The following HDAC9 variants were observed in gnomAD, a reference collection of about 807,000 sequenced individuals.
The protein encoded by HDAC9 is MEF-2 interacting transcription repressor (MITR) protein.
HDAC9 carries 41 observed loss-of-function variants against 139.4 expected under a neutral mutation model. The ratio of observed to expected loss-of-function variants is 0.29; its 90% CI spans 0.23 to 0.38. The LOEUF is 0.38. Ranked by LOEUF, HDAC9 falls within the 10% of genes least tolerant of loss-of-function variation. The probability of loss-of-function intolerance (pLI) is 1.00; values close to 1 mark genes in which losing one functional copy is unlikely to be tolerated. For synonymous variants in HDAC9, 517 were observed against 476.2 expected, an observed-to-expected ratio of 1.09 and a Z score of -1.12; for missense variants, 1,147 against 1,297.0, an observed-to-expected ratio of 0.88 and a Z score of 1.78.
chr7:18,448,057 T>C (rs1351385826), intron 1 of HDAC9, among the ~76,000 whole-genome samples: 9 of 152,074 alleles, frequency 5.9e-5, no homozygotes, highest in Admixed American at 3.9e-4. Context: ...GCCAGGCTGG[T>C]CTCCAACTCC....
At chr7:18,742,623 CCT>C (rs540462870) in intron 13 of HDAC9, among the ~76,000 whole-genome samples, 78 of 152,048 alleles carry the variant, frequency 5.1e-4, no homozygotes, top group Non-Finnish European at 9.9e-4. Flanking sequence ...CAGATTTCCT[CCT>C]CAGGAGCAAT....
At chr7:18,970,809 G>T (rs1263243100) in intron 24 of HDAC9, among the ~76,000 whole-genome samples, 1 of 114,390 alleles carries the variant, frequency 8.7e-6, no homozygotes, top group Non-Finnish European at 1.8e-5. Context: ...TGGAAAAAAG[G>T]TAAAAAAAAG....
chr7:18,740,960 A>C (rs1431812226), intron 13 of HDAC9, among the ~76,000 whole-genome samples: 1 of 152,106 alleles, frequency 6.6e-6, no homozygotes, highest in African/African-American at 2.4e-5. Flanking sequence ...CAAGTCCCTA[A>C]CTCTTCAATT....
chr7:18,370,973 G>C (rs1420938494), intron 1 of HDAC9, among the ~76,000 whole-genome samples: 1 of 152,146 alleles, frequency 6.6e-6, no homozygotes, highest in Non-Finnish European at 1.5e-5. Flanking sequence ...AGGTGTCATC[G>C]TGCATTTTCT....
chr7:18,875,936 G>A (rs10237366), intron 22 of HDAC9, among the ~76,000 whole-genome samples: 2 of 151,834 alleles, frequency 1.3e-5, no homozygotes, highest in Non-Finnish European at 2.9e-5. Flanking sequence ...AAGGAACTCT[G>A]GAAAAGTTGT....
At chr7:18,712,192 A>G (rs1267875394) in intron 12 of HDAC9, among the ~76,000 whole-genome samples, 1 of 152,128 alleles carries the variant, frequency 6.6e-6, no homozygotes, top group Non-Finnish European at 1.5e-5. Context: ...TCTTTAATAT[A>G]CATCAGCGAC....
chr7:18,826,622 T>C (rs1795457653), intron 17 of HDAC9, among the ~76,000 whole-genome samples: 1 of 150,300 alleles, frequency 6.7e-6, no homozygotes, highest in African/African-American at 2.5e-5. Context: ...TGGCTGTAAG[T>C]GAAAGGAGGA....
At chr7:18,800,756 C>T (rs1793217388) in intron 17 of HDAC9, among the ~76,000 whole-genome samples, 1 of 152,126 alleles carries the variant, frequency 6.6e-6, no homozygotes, top group African/African-American at 2.4e-5. Flanking sequence ...TTGCTTGAGC[C>T]CGGGAAGTCA....
At chr7:18,632,344 C>G (rs1782612488) in intron 7 of HDAC9, among the ~76,000 whole-genome samples, 1 of 152,040 alleles carries the variant, frequency 6.6e-6, no homozygotes, top group African/African-American at 2.4e-5. Flanking sequence ...CTTACATTAA[C>G]CTCACATTCT....
chr7:18,597,048 T>A (rs1832699738), intron 6 of HDAC9, among the ~76,000 whole-genome samples: 1 of 152,118 alleles, frequency 6.6e-6, no homozygotes, highest in Non-Finnish European at 1.5e-5. Context: ...AAACCTCATT[T>A]GCCTGCAGAA....
chr7:18,699,787 G>A (rs988396992), intron 12 of HDAC9, among the ~76,000 whole-genome samples: 1 of 151,948 alleles, frequency 6.6e-6, no homozygotes, highest in Non-Finnish European at 1.5e-5. Context: ...TAATACTACT[G>A]AGGATTAAGA....
At chr7:18,850,192 A>G (rs1274363976) in intron 21 of HDAC9, among the ~76,000 whole-genome samples, 1 of 152,170 alleles carries the variant, frequency 6.6e-6, no homozygotes, top group Non-Finnish European at 1.5e-5. Flanking sequence ...ATGACATTTT[A>G]TAGGTTCACA....
chr7:18,994,570 T>A (rs905201349), intron 25 of HDAC9, among the ~76,000 whole-genome samples: 11 of 152,192 alleles, frequency 7.2e-5, no homozygotes, highest in African/African-American at 2.7e-4. Context: ...TTTTCTTTTT[T>A]GGTAACAATA....
intron 2 of HDAC9, among the ~76,000 whole-genome samples, chr7:18,562,715 G>A (rs1820993513): frequency 6.6e-6 from 1 of 151,926 alleles, no homozygotes; most frequent in Non-Finnish European, 1.5e-5. Context: ...TCCATTCTAA[G>A]GTTATTTTAG....
At chr7:18,613,478 C>A (rs1837728164) in intron 6 of HDAC9, among the ~76,000 whole-genome samples, 1 of 152,020 alleles carries the variant, frequency 6.6e-6, no homozygotes, top group African/African-American at 2.4e-5. Flanking sequence ...TTCTCAACTA[C>A]CCCTAATGTA....
rs747537168 is a variant in HDAC9 at position 18,835,490 on chromosome 7, C to T, written c.2490C>T (p.Thr830=). The T allele has an allele frequency of 3.1e-6, 5 of 1,613,240 alleles. No individual in the cohort carries two copies. The African/African-American group carries it at 5.3e-5, about 17-fold the overall frequency. The change falls in exon 20 of 26, where the codon ACC becomes ACT. Residue 830 remains threonine (T), a synonymous_variant. Coordinates refer to ENST00000686413, the MANE Select transcript of HDAC9 (RefSeq NM_178425.4). ...VDLDVHHGNG[T]QQAFYADPSI... ...AGGATGTTCACCATGGAAACGGTAC[C>T]CAGCAGGCCTTTTATGCTGACCCCA...
rs1184660609 is a variant in HDAC9, at chr7:18,799,038, AAGACACACACACACACACAC to A, written c.2322+5588_2322+5607del. Among the ~76,000 whole-genome samples the A allele has an allele frequency of 6.4e-3, 918 of 143,622 alleles. 10 individuals carry two copies. The highest frequency in any genetic ancestry group is 0.021 in the African/African-American group (802 of 38,126). The allele number at this position is 143,622 out of a possible 152,430, so 94.2% of individuals were successfully genotyped here. Reference sequence around the variant, plus strand: ...TGGCTAAATATTTAAAATGTGCCCTAAGACACACACACACACACACACACACACACACACACACACACACA... The same window carrying A: ...TGGCTAAATATTTAAAATGTGCCCTAACACACACACACACACACACACACA... On this transcript the variant is annotated intron_variant, in intron 17 of 25. Coordinates refer to ENST00000686413, the MANE Select transcript of HDAC9 (RefSeq NM_178425.4).
chr7:18,969,687 A>T (rs754915135), intron 24 of HDAC9, among the ~76,000 whole-genome samples: 2 of 152,180 alleles, frequency 1.3e-5, no homozygotes, highest in Non-Finnish European at 2.9e-5. Context: ...AGAAAAAAAA[A>T]TACAGCATTT....
At chr7:18,643,378 T>C (rs529234889) in intron 8 of HDAC9, among the ~76,000 whole-genome samples, 45 of 152,294 alleles carry the variant, frequency 3.0e-4, no homozygotes, top group Admixed American at 8.5e-4. Flanking sequence ...TTGGTTTTCA[T>C]GCACAAATAT....
Sources: allele counts gnomAD v4.1 joint callset (sites outside exome capture counted in the v4.1 genomes callset), GRCh38; gene constraint gnomAD v4.1.1; transcripts MANE v1.5; gene names NCBI Gene and HGNC (gene_info 2026-07-23, HGNC 2026-07-21).